Variants in GSTCD observed in about 807,000 individuals in gnomAD.
GSTCD encodes glutathione S-transferase C-terminal domain containing, also known as glutathione S-transferase C-terminal domain-containing protein.
GSTCD carries 44 observed loss-of-function variants against 68.3 expected under a neutral mutation model. The ratio of observed to expected loss-of-function variants is 0.64; its 90% CI spans 0.51 to 0.83. The LOEUF is 0.83. GSTCD is among the 40% of genes least tolerant of loss of function. The pLI is 0.00. For synonymous variants in GSTCD, 273 were observed against 255.2 expected (o/e 1.07, Z -0.67); for missense variants, 739 against 735.9 (o/e 1.00, Z -0.05).
Position 105,729,519 on chromosome 4 carries a change from T to C in GSTCD, c.1240+20T>C, listed in dbSNP as rs1362003762. ...AGGAAGGTGAGTTTTCTTTTTTCTT[T>C]AAGTTTTATTCATACTTTGGATACT... On this transcript the variant is annotated intron_variant, in intron 5 of 11. Transcript: ENST00000515279. The C allele has an allele frequency of 6.6e-7, 1 of 1,516,910 alleles. No homozygotes were observed. Among genetic ancestry groups the C allele is most frequent in the Non-Finnish European group, 9.1e-7 (1 of 1,095,172 alleles). The allele number at this position is 1,516,910 out of a possible 1,614,324, so 94.0% of individuals were successfully genotyped here.
chr4:105,818,310 TAGG>T (rs35937220), intron 5 of GSTCD, among the ~76,000 whole-genome samples: 98,872 of 151,474 alleles, frequency 0.65, 38,678 homozygotes, highest in East Asian at 0.9. Flanking sequence ...TTGACAAAAG[TAGG>T]AGATGTTTTA....
intron 5 of GSTCD, among the ~76,000 whole-genome samples, chr4:105,799,747 G>T (rs1736033432): frequency 6.7e-6 from 1 of 149,374 alleles, no homozygotes; most frequent in Non-Finnish European, 1.5e-5. Flanking sequence ...ACCAAAATGT[G>T]ACACAGAAAC....
At chr4:105,835,911 G>A (rs536426842) in intron 9 of GSTCD, among the ~76,000 whole-genome samples, 12 of 152,262 alleles carry the variant, frequency 7.9e-5, no homozygotes, top group South Asian at 2.1e-4. Flanking sequence ...GCTCTCAGCC[G>A]AGAGGAGACC....
intron 5 of GSTCD, among the ~76,000 whole-genome samples, chr4:105,752,519 A>T (rs145438906): frequency 9.3e-4 from 141 of 152,236 alleles, no homozygotes; most frequent in Non-Finnish European, 1.6e-3. Flanking sequence ...CATCTATGTG[A>T]TCATACAAAT....
At chr4:105,843,338 C>G (rs1180605532) in intron 11 of GSTCD, among the ~76,000 whole-genome samples, 1 of 152,178 alleles carries the variant, frequency 6.6e-6, no homozygotes, top group Admixed American at 6.5e-5. Flanking sequence ...CCTTCTTGCT[C>G]CTCCTTTTCC....
At chr4:105,763,832 A>G (rs952346202) in intron 5 of GSTCD, among the ~76,000 whole-genome samples, 2 of 152,220 alleles carry the variant, frequency 1.3e-5, no homozygotes, top group Non-Finnish European at 2.9e-5. Context: ...TTGCTTTTAC[A>G]TTGAATCAAA....
intron 5 of GSTCD, among the ~76,000 whole-genome samples, chr4:105,738,245 A>G (rs1382768798): frequency 6.6e-6 from 1 of 152,190 alleles, no homozygotes; most frequent in Non-Finnish European, 1.5e-5. Context: ...TCCTTGGTCT[A>G]TGTGTCTGTT....
intron 10 of GSTCD, among the ~76,000 whole-genome samples, chr4:105,838,278 T>C (rs542559801): frequency 1.3e-5 from 2 of 152,358 alleles, no homozygotes; most frequent in South Asian, 4.1e-4. Context: ...ATGGGCCAGG[T>C]AACACCTGCC....
intron 5 of GSTCD, among the ~76,000 whole-genome samples, chr4:105,793,056 G>A (rs1438065743): frequency 6.6e-6 from 1 of 151,898 alleles, no homozygotes; most frequent in Non-Finnish European, 1.5e-5. Context: ...TGTAAAAATA[G>A]TCAAGCTTAT....
At chr4:105,809,023 T>A (rs144509450) in intron 5 of GSTCD, among the ~76,000 whole-genome samples, 2 of 152,184 alleles carry the variant, frequency 1.3e-5, no homozygotes, top group Non-Finnish European at 2.9e-5. Context: ...AGAGAAGCTA[T>A]AAAGTGCAAG....
intron 8 of GSTCD, among the ~76,000 whole-genome samples, chr4:105,833,811 A>G (rs1285007797): frequency 1.3e-5 from 2 of 152,222 alleles, no homozygotes; most frequent in Non-Finnish European, 2.9e-5. Flanking sequence ...AGTTATTTTT[A>G]TGAGTTATTG....
At chr4:105,726,079 A>T (rs975891624) in intron 3 of GSTCD, among the ~76,000 whole-genome samples, 1 of 152,184 alleles carries the variant, frequency 6.6e-6, no homozygotes, top group African/African-American at 2.4e-5. Context: ...CTGCTACATT[A>T]TAATGTATAG....
Position 105,755,056 on chromosome 4 carries a change from CAAAAAAAAAAAAAAAAAAAAAA to C in GSTCD, c.1240+25579_1240+25600del, listed in dbSNP as rs70941214. On this transcript the variant is annotated intron_variant, in intron 5 of 11. Coordinates refer to ENST00000515279, the MANE Select transcript of GSTCD (RefSeq NM_001370181.1). ...GCAACATAGTGAGACCTCATTTCTC[CAAAAAAAAAAAAAAAAAAAAAA>C]AAAAAAAAAAAAAAAAAAAAATTAG... 3.5e-4 allele frequency among the ~76,000 whole-genome samples: 18 copies of C among 51,010 alleles called. No individual in the cohort carries two copies. In the South Asian group the frequency reaches 6.7e-3, roughly 19 times the overall value. 33.5% of individuals were successfully genotyped at this position (51,010 alleles called of 152,430 possible).
At chr4:105,756,019 A>G (rs999551018) in intron 5 of GSTCD, among the ~76,000 whole-genome samples, 3 of 152,248 alleles carry the variant, frequency 2.0e-5, no homozygotes, top group African/African-American at 7.2e-5. Flanking sequence ...AATAGCTCAC[A>G]GAATTCAGGG....
chr4:105,831,544 T>A (rs532256532), intron 8 of GSTCD, among the ~76,000 whole-genome samples: 26 of 152,244 alleles, frequency 1.7e-4, no homozygotes, highest in Admixed American at 2.6e-4. Context: ...TTTCTCTTAC[T>A]TGGAGCAATA....
chr4:105,745,583 A>G (rs888631598), intron 5 of GSTCD, among the ~76,000 whole-genome samples: 1 of 152,092 alleles, frequency 6.6e-6, no homozygotes, highest in African/African-American at 2.4e-5. Flanking sequence ...TGCCTTGTGA[A>G]TTTTTGTCCT....
intron 1 of GSTCD, among the ~76,000 whole-genome samples, chr4:105,716,216 A>G (rs886466845): frequency 6.6e-6 from 1 of 152,244 alleles, no homozygotes; most frequent in Non-Finnish European, 1.5e-5. Flanking sequence ...CTAGGAAGAA[A>G]AAACATAGAT....
intron 5 of GSTCD, among the ~76,000 whole-genome samples, chr4:105,804,114 T>C (rs1736239653): frequency 1.3e-5 from 2 of 152,186 alleles, no homozygotes; most frequent in South Asian, 2.1e-4. Context: ...CTTAAGAGTA[T>C]ATTTTAGTTA....
chr4:105,779,802 G>T (rs570576647), intron 5 of GSTCD, among the ~76,000 whole-genome samples: 29 of 152,306 alleles, frequency 1.9e-4, no homozygotes, highest in African/African-American at 7.0e-4. Context: ...GCCACTAATA[G>T]GGAAAAGATT....
Sources: gnomAD v4.1 joint callset for allele counts (sites outside exome capture counted in the v4.1 genomes callset) on GRCh38, gnomAD v4.1.1 for gene constraint, MANE v1.5 for transcripts, NCBI Gene and HGNC (gene_info 2026-07-23, HGNC 2026-07-21) for gene names.